TRPC5: variants seen among roughly 807,000 people sequenced by gnomAD.
TRPC5 encodes short transient receptor potential channel 5.
TRPC5 carries 9 observed loss-of-function variants against 56.5 expected under a neutral mutation model. The observed-to-expected ratio is 0.16, with a 90% CI of 0.10 to 0.28. The LOEUF (loss-of-function observed/expected upper bound fraction) is 0.28, where lower values mean the gene tolerates loss of function less well. Ranked by LOEUF, TRPC5 falls within the 10% of genes least tolerant of loss-of-function variation. TRPC5 has a pLI of 1.00. For missense variants in TRPC5, 469 were observed against 748.9 expected (o/e 0.63, Z 4.36); for synonymous variants, 282 against 278.5 (o/e 1.01, Z -0.13).
chrX:111,799,130 G>A (rs1186989547), intron 7 of TRPC5, among the ~76,000 whole-genome samples: 1 of 107,818 alleles, frequency 9.3e-6, no homozygotes, highest in African/African-American at 3.6e-5. Flanking sequence ...TGGGCCCCAG[G>A]ATTAAAGGCA....
rs1322339744 is a variant in TRPC5, at chrX:111,847,106, C to T, written c.1700+8G>A. ...AATAAATAAATAAAGGAAAGGGGAT[C>T]GTCTTACGTGGAGAAGGCATTGTTC... On this transcript the variant is annotated splice_region_variant and intron_variant, in intron 6 of 10. Transcript: ENST00000262839. The T allele has an allele frequency of 2.4e-5, 28 of 1,178,758 alleles. No homozygotes were observed. The highest frequency in any genetic ancestry group is 2.8e-5 in the Non-Finnish European group (25 of 880,397).
chrX:111,840,094 C>T (rs1040817043), intron 6 of TRPC5, among the ~76,000 whole-genome samples: 26 of 112,383 alleles, frequency 2.3e-4, no homozygotes, highest in Non-Finnish European at 4.7e-4. Flanking sequence ...GGTGTGAACC[C>T]GGGAGGTGGA....
chrX:111,983,120 G>A (rs1928124168), intron 1 of TRPC5, among the ~76,000 whole-genome samples: 1 of 111,618 alleles, frequency 9.0e-6, no homozygotes, highest in Non-Finnish European at 1.9e-5. Flanking sequence ...TGTGAAGTGA[G>A]TTCCTTGATC....
At chrX:111,902,175 C>A in intron 3 of TRPC5, 3 of 1,121,478 alleles carry the variant, frequency 2.7e-6, no homozygotes, top group Non-Finnish European at 3.5e-6. Context: ...GATGACTTAA[C>A]AGGTGACTAA....
At chrX:112,062,747 C>T (rs1016016496) in intron 1 of TRPC5, among the ~76,000 whole-genome samples, 3 of 111,476 alleles carry the variant, frequency 2.7e-5, no homozygotes, top group Non-Finnish European at 3.8e-5. Flanking sequence ...GGCCTAAGGT[C>T]CATGGGAAAA....
chrX:111,979,231 C>A (rs980550193), intron 1 of TRPC5, among the ~76,000 whole-genome samples: 2 of 111,122 alleles, frequency 1.8e-5, no homozygotes, highest in African/African-American at 3.3e-5. Flanking sequence ...AAAGAAGGGT[C>A]TTTTTCAACA....
At chrX:111,844,830 TA>T (rs1179141137) in intron 6 of TRPC5, among the ~76,000 whole-genome samples, 2 of 110,916 alleles carry the variant, frequency 1.8e-5, no homozygotes, top group Non-Finnish European at 3.8e-5. Context: ...AGGAAAAGGA[TA>T]ACAATAAGCA....
At chrX:111,871,340 C>T (rs1397731749) in intron 3 of TRPC5, among the ~76,000 whole-genome samples, 1 of 109,589 alleles carries the variant, frequency 9.1e-6, no homozygotes, top group Non-Finnish European at 1.9e-5. Flanking sequence ...TTTATCATAA[C>T]AGGATAATGT....
At chrX:111,904,623 G>A (rs1294618347) in intron 3 of TRPC5, among the ~76,000 whole-genome samples, 4 of 110,446 alleles carry the variant, frequency 3.6e-5, no homozygotes, top group African/African-American at 1.3e-4. Flanking sequence ...ACACACGCTG[G>A]GGCCTGTTGG....
chrX:111,912,863 G>C, intron 2 of TRPC5, 51 bp from the exon 3 acceptor site: 1 of 1,128,695 alleles, frequency 8.9e-7, no homozygotes, highest in Non-Finnish European at 1.2e-6. Flanking sequence ...AGTTTGGAGA[G>C]AGAAGCATAG....
chrX:112,074,032 G>A (rs772072547), intron 1 of TRPC5, among the ~76,000 whole-genome samples: 1 of 111,673 alleles, frequency 9.0e-6, no homozygotes, highest in African/African-American at 3.2e-5. Flanking sequence ...CAGGTACTGG[G>A]CTAAGTGCTT....
At chrX:111,886,697 A>G (rs1924514923) in intron 3 of TRPC5, among the ~76,000 whole-genome samples, 1 of 111,921 alleles carries the variant, frequency 8.9e-6, no homozygotes, top group South Asian at 3.8e-4. Context: ...GGCCAAAGAA[A>G]GAGATCAAGG....
At chrX:111,780,577 C>CA (rs201750814) in intron 9 of TRPC5, among the ~76,000 whole-genome samples, 1,353 of 111,285 alleles carry the variant, frequency 0.012, 11 homozygotes, top group African/African-American at 0.033. Context: ...TCAAGTCCTG[C>CA]AGTCACCCTG....
intron 2 of TRPC5, among the ~76,000 whole-genome samples, chrX:111,934,625 C>T (rs61193785): frequency 0.03 from 3,306 of 111,413 alleles, 64 homozygotes; most frequent in Middle Eastern, 0.065. Context: ...AACTACTATC[C>T]TTCCCAGCCT....
chrX:111,874,798 A>G (rs887990123), intron 3 of TRPC5, among the ~76,000 whole-genome samples: 30 of 112,697 alleles, frequency 2.7e-4, no homozygotes, highest in Admixed American at 9.4e-5. Flanking sequence ...ATGAAGTTTT[A>G]TAGGAATACA....
At chrX:111,823,988 T>C (rs1922109634) in intron 7 of TRPC5, among the ~76,000 whole-genome samples, 1 of 111,060 alleles carries the variant, frequency 9.0e-6, no homozygotes, top group Admixed American at 9.6e-5. Context: ...CCTAGCACTT[T>C]GGGAGGATGG....
intron 2 of TRPC5, among the ~76,000 whole-genome samples, chrX:111,943,488 T>C (rs191209215): frequency 1.8e-5 from 2 of 111,879 alleles, no homozygotes; most frequent in Middle Eastern, 4.6e-3. Flanking sequence ...CACTTATCAG[T>C]GTTGTTGAGA....
Position 111,952,152 on chromosome X carries a change from A to G in TRPC5, c.269T>C (p.Leu90Pro). 1 of 1,212,409 alleles carries G rather than the reference A, an allele frequency of 8.2e-7. No homozygotes were observed. The highest frequency in any genetic ancestry group is 1.1e-6 in the Non-Finnish European group (1 of 895,685). The change falls in exon 2 of 11, where the codon CTG becomes CCG. Residue 90 changes from leucine (L) to proline (P), a missense_variant. By Grantham distance (98) the Leu-to-Pro change is moderately conservative. This residue lies in a region of TRPC5 where 118 missense variants were observed against 167.1 expected (regional missense o/e 0.71). Coordinates refer to ENST00000262839, the MANE Select transcript of TRPC5 (RefSeq NM_012471.3). ...NENLEIMELL[L>P]NHSVYVGDAL... The stretch of plus-strand genomic sequence containing the variant: ...ATCACCCACATACACGCTGTGGTTC[A>G]GCAGTAGCTCCATGATCTCCAGGTT...
intron 3 of TRPC5, among the ~76,000 whole-genome samples, chrX:111,898,468 A>G (rs185369755): frequency 1.0e-4 from 11 of 108,980 alleles, no homozygotes; most frequent in East Asian, 5.8e-4. Flanking sequence ...TCCCACATGC[A>G]TGGTTGAAGC....
Sources: gnomAD v4.1 joint callset for allele counts (sites outside exome capture counted in the v4.1 genomes callset) on GRCh38, gnomAD v4.1.1 for gene constraint, gnomAD v4.1.1 regional missense constraint, MANE v1.5 for transcripts, NCBI Gene and HGNC (gene_info 2026-07-23, HGNC 2026-07-21) for gene names.